Variants in KIAA1328 observed in about 807,000 individuals in gnomAD.
KIAA1328 encodes the protein KIAA1328.
A neutral mutation model predicts 68.1 loss-of-function variants in KIAA1328; 52 were observed. The observed-to-expected ratio is 0.76, with a 90% confidence interval of 0.61 to 0.96. The LOEUF (loss-of-function observed/expected upper bound fraction) is 0.96, where lower values mean the gene tolerates loss of function less well. KIAA1328 is among the 40% of genes least tolerant of loss of function. The pLI is 0.00. For synonymous variants in KIAA1328, 232 were observed against 239.4 expected (o/e 0.97, Z 0.28); for missense variants, 641 against 677.6 (o/e 0.95, Z 0.60).
intron 7 of KIAA1328, among the ~76,000 whole-genome samples, chr18:37,107,381 T>C (rs765314230): frequency 2.6e-5 from 4 of 152,198 alleles, no homozygotes; most frequent in Non-Finnish European, 5.9e-5. Flanking sequence ...TGGTGACTAG[T>C]AATACTATTT....
At chr18:36,855,547 G>A (rs747185302) in intron 4 of KIAA1328, among the ~76,000 whole-genome samples, 2 of 149,792 alleles carry the variant, frequency 1.3e-5, no homozygotes, top group South Asian at 2.1e-4. Context: ...TTGGTTACTA[G>A]ACTTTTATCA....
downstream of KIAA1328, chr18:37,230,523 G>C (rs2060659729): frequency 6.6e-6 from 1 of 152,084 alleles, no homozygotes; most frequent in African/African-American, 2.4e-5. Flanking sequence ...GCCCAGGATG[G>C]CCAGAAAAAG....
At chr18:37,044,561 G>C (rs889211453) in intron 6 of KIAA1328, among the ~76,000 whole-genome samples, 1 of 152,082 alleles carries the variant, frequency 6.6e-6, no homozygotes, top group Admixed American at 6.5e-5. Context: ...ACTTTGGGAG[G>C]CCAAGGCAGG....
intron 7 of KIAA1328, among the ~76,000 whole-genome samples, chr18:37,122,076 T>G (rs752932838): frequency 6.6e-6 from 1 of 152,086 alleles, no homozygotes; most frequent in Non-Finnish European, 1.5e-5. Context: ...GAAGCTAAAA[T>G]AGAATCCCAA....
rs540700296 is a variant in KIAA1328, at chr18:37,028,347, G to A, written c.577-38543G>A. Among the ~76,000 whole-genome samples the A allele has an allele frequency of 3.5e-4, 53 of 152,192 alleles. No individual in the cohort carries two copies. In the South Asian group the frequency reaches 8.3e-3, roughly 24 times the overall value. ...TTGGCCCTCAGCTTGGATGTTGTTG[G>A]TGAACAGAAATGCTACTGATTATTC... On this transcript the variant is annotated intron_variant, in intron 6 of 9. Transcript: ENST00000280020.
chr18:37,061,046 C>T (rs2056127625), intron 6 of KIAA1328, among the ~76,000 whole-genome samples: 1 of 152,076 alleles, frequency 6.6e-6, no homozygotes. Context: ...ACCCAGGAGG[C>T]AGAGGTTGCA....
chr18:37,154,688 C>A (rs1568473833), intron 7 of KIAA1328, among the ~76,000 whole-genome samples: 1 of 152,172 alleles, frequency 6.6e-6, no homozygotes, highest in Non-Finnish European at 1.5e-5. Flanking sequence ...TATCACCCAC[C>A]ATGGTTTCAT....
chr18:36,829,177 G>C lies in KIAA1328; in HGVS notation c.39G>C (p.Ala13=). 6.5e-7 allele frequency: 1 copy of C among 1,532,576 alleles called. No homozygotes were observed. The highest frequency in any genetic ancestry group is 1.2e-5 in the South Asian group (1 of 82,436). 94.9% of individuals were successfully genotyped at this position (1,532,576 alleles called of 1,614,324 possible). A position where few individuals can be genotyped will look rare whatever the true frequency, so the allele number is the denominator to read the frequency against. Residue 13 remains alanine, a synonymous_variant, in exon 1 of 10, where the codon GCG becomes GCC. Coordinates refer to ENST00000280020, the MANE Select transcript of KIAA1328 (RefSeq NM_020776.3). ...CGGGCCCCTCCCGCCCCAGTGCCGCGGCGTTCTGGAGCCGGGACTGTATCC... is the reference window on the plus strand; with the variant it reads ...CGGGCCCCTCCCGCCCCAGTGCCGCCGCGTTCTGGAGCCGGGACTGTATCC... The part of the protein sequence containing the change: ...DVAGPSRPSA[A]AFWSRDFSDE...
chr18:36,890,423 C>G (rs1249922640), intron 5 of KIAA1328, among the ~76,000 whole-genome samples: 1 of 152,100 alleles, frequency 6.6e-6, no homozygotes, highest in Non-Finnish European at 1.5e-5. Context: ...ATAATCCCAG[C>G]ACTTTGGGAG....
chr18:37,156,849 G>A (rs1408857076), intron 7 of KIAA1328, among the ~76,000 whole-genome samples: 1 of 152,096 alleles, frequency 6.6e-6, no homozygotes, highest in Non-Finnish European at 1.5e-5. Context: ...CAGCAGTTTT[G>A]GCAAGCACTG....
intron 8 of KIAA1328, among the ~76,000 whole-genome samples, chr18:37,161,963 G>A (rs1339772671): frequency 6.6e-6 from 1 of 152,178 alleles, no homozygotes; most frequent in Non-Finnish European, 1.5e-5. Flanking sequence ...AGCTACAGAA[G>A]CCAGAAGCCT....
At chr18:37,198,924 T>G (rs2060054633) in intron 9 of KIAA1328, among the ~76,000 whole-genome samples, 1 of 152,202 alleles carries the variant, frequency 6.6e-6, no homozygotes, top group Non-Finnish European at 1.5e-5. Context: ...TGACTTTGTG[T>G]CTATATTGGA....
At chr18:36,899,016 A>C (rs1038811447) in intron 5 of KIAA1328, among the ~76,000 whole-genome samples, 19 of 151,864 alleles carry the variant, frequency 1.3e-4, no homozygotes, top group African/African-American at 4.3e-4. Context: ...ACCTCCAATT[A>C]GGTATTAACT....
chr18:37,097,556 G>A (rs527808362), intron 7 of KIAA1328, among the ~76,000 whole-genome samples: 45 of 152,234 alleles, frequency 3.0e-4, no homozygotes, highest in African/African-American at 9.4e-4. Flanking sequence ...TGGTAATGTG[G>A]GCTCTTTTTT....
chr18:36,841,743 A>G (rs985775958), intron 3 of KIAA1328, among the ~76,000 whole-genome samples: 2 of 152,206 alleles, frequency 1.3e-5, no homozygotes, highest in African/African-American at 4.8e-5. Flanking sequence ...TTTGTTTACA[A>G]AAACAGCCAG....
At chr18:37,104,209 G>A (rs781261013) in intron 7 of KIAA1328, among the ~76,000 whole-genome samples, 11 of 152,152 alleles carry the variant, frequency 7.2e-5, no homozygotes, top group Non-Finnish European at 1.5e-4. Flanking sequence ...AAAGAGATAC[G>A]TACACCCCCG....
chr18:37,021,088 A>G (rs1487607749), intron 6 of KIAA1328, among the ~76,000 whole-genome samples: 1 of 152,200 alleles, frequency 6.6e-6, no homozygotes, highest in Admixed American at 6.5e-5. Flanking sequence ...AAGACTCACA[A>G]TAGCCATTTT....
At chr18:36,981,136 C>G (rs1264783527) in intron 6 of KIAA1328, among the ~76,000 whole-genome samples, 1 of 152,060 alleles carries the variant, frequency 6.6e-6, no homozygotes, top group Non-Finnish European at 1.5e-5. Context: ...TTCCCATCAG[C>G]AAGAGAAAAA....
intron 5 of KIAA1328, among the ~76,000 whole-genome samples, chr18:36,956,070 T>A (rs1282226057): frequency 6.6e-6 from 1 of 152,244 alleles, no homozygotes; most frequent in Non-Finnish European, 1.5e-5. Context: ...CCTTATTCAT[T>A]CTGCTCTTAT....
Sources: gnomAD v4.1 joint callset for allele counts (sites outside exome capture counted in the v4.1 genomes callset) on GRCh38, gnomAD v4.1.1 for gene constraint, MANE v1.5 for transcripts, NCBI Gene and HGNC (gene_info 2026-07-23, HGNC 2026-07-21) for gene names.